NALF1: variants seen among roughly 807,000 people sequenced by gnomAD.
The protein encoded by NALF1 is NALCN channel auxiliary factor 1, also known as family with sequence similarity 155 member A.
NALF1 carries 3 observed loss-of-function variants against 48.4 expected under a neutral mutation model. The observed-to-expected ratio is 0.06, with a 90% CI of 0.03 to 0.16. NALF1 has a LOEUF of 0.16. NALF1 is among the 10% of genes least tolerant of loss of function. NALF1 has a pLI of 1.00. For synonymous variants in NALF1, 262 were observed against 245.7 expected, an observed-to-expected ratio of 1.07 and a Z score of -0.62; for missense variants, 526 against 571.5, an observed-to-expected ratio of 0.92 and a Z score of 0.81.
chr13:107,414,130 A>T (rs1224642887), intron 1 of NALF1, among the ~76,000 whole-genome samples: 1 of 152,190 alleles, frequency 6.6e-6, no homozygotes, highest in Non-Finnish European at 1.5e-5. Context: ...AGTCAAAACG[A>T]TCTATTAAAA....
At chr13:107,510,257 C>G (rs1389022568) in intron 1 of NALF1, among the ~76,000 whole-genome samples, 1 of 152,114 alleles carries the variant, frequency 6.6e-6, no homozygotes, top group Non-Finnish European at 1.5e-5. Context: ...CCTCCTCTTC[C>G]CCTCCATAAC....
intron 1 of NALF1, among the ~76,000 whole-genome samples, chr13:107,487,574 C>T (rs1489798507): frequency 6.6e-6 from 1 of 152,080 alleles, no homozygotes; most frequent in African/African-American, 2.4e-5. Context: ...CTACAAGAAA[C>T]AAATTTTAAA....
In NALF1 at chr13:107,509,733, G is replaced by A. The variant is rs79847998; in HGVS notation, c.916-298978C>T. Among the ~76,000 whole-genome samples, 1,071 of 152,164 alleles carry A rather than the reference G, an allele frequency of 7.0e-3. 40 individuals are homozygous for A. In the East Asian group the frequency reaches 0.1, roughly 15 times the overall value. On this transcript the variant is annotated intron_variant, in intron 1 of 2. Coordinates refer to ENST00000375915, the MANE Select transcript of NALF1 (RefSeq NM_001080396.3). ...CTGCCTTATAACTGTCAGATTATAA[G>A]GCTTTCAAATAGACTCTCCTTTGAA...
intron 1 of NALF1, among the ~76,000 whole-genome samples, chr13:107,469,892 T>C (rs1048186097): frequency 1.3e-5 from 2 of 151,750 alleles, no homozygotes; most frequent in Non-Finnish European, 2.9e-5. Context: ...TACAGGTGCC[T>C]GCCACCACGC....
chr13:107,859,961 T>A (rs906374250), intron 1 of NALF1, among the ~76,000 whole-genome samples: 3 of 150,332 alleles, frequency 2.0e-5, no homozygotes, highest in African/African-American at 7.3e-5. Context: ...GAGCATTACA[T>A]TGAAGAAATT....
At chr13:107,214,819 T>C (rs950379516) in intron 1 of NALF1, among the ~76,000 whole-genome samples, 1 of 152,222 alleles carries the variant, frequency 6.6e-6, no homozygotes, top group African/African-American at 2.4e-5. Flanking sequence ...TCGATTTTTC[T>C]CTTTTTCCCC....
chr13:107,813,529 C>T (rs184436963), intron 1 of NALF1, among the ~76,000 whole-genome samples: 8 of 152,176 alleles, frequency 5.3e-5, no homozygotes, highest in East Asian at 1.9e-4. Context: ...ATAACAGGTA[C>T]TATTTATTAC....
chr13:107,289,384 G>A (rs907914997), intron 1 of NALF1, among the ~76,000 whole-genome samples: 1 of 152,142 alleles, frequency 6.6e-6, no homozygotes, highest in African/African-American at 2.4e-5. Flanking sequence ...ACAGTACCTG[G>A]CACAAAATAG....
intron 1 of NALF1, among the ~76,000 whole-genome samples, chr13:107,743,237 C>T (rs1355695967): frequency 6.6e-6 from 1 of 152,220 alleles, no homozygotes; most frequent in African/African-American, 2.4e-5. Context: ...TAACACACAT[C>T]CTTTCCTTCC....
At chr13:107,354,396 G>A (rs1007004427) in intron 1 of NALF1, among the ~76,000 whole-genome samples, 25 of 152,054 alleles carry the variant, frequency 1.6e-4, no homozygotes, top group Admixed American at 1.3e-4. Context: ...GAAACCTGGG[G>A]AACTGTGTGA....
At chr13:107,740,917 T>C (rs2138544106) in intron 1 of NALF1, among the ~76,000 whole-genome samples, 1 of 152,224 alleles carries the variant, frequency 6.6e-6, no homozygotes, top group Non-Finnish European at 1.5e-5. Flanking sequence ...AGGAGAGAAA[T>C]GAAGGCAGTA....
intron 1 of NALF1, among the ~76,000 whole-genome samples, chr13:107,705,355 G>T (rs542697881): frequency 2.6e-5 from 4 of 152,318 alleles, no homozygotes; most frequent in African/African-American, 9.6e-5. Flanking sequence ...TGAATTGAAA[G>T]AAATGAAAAT....
At chr13:107,652,702 T>C (rs1229442645) in intron 1 of NALF1, among the ~76,000 whole-genome samples, 2 of 152,140 alleles carry the variant, frequency 1.3e-5, no homozygotes, top group Non-Finnish European at 2.9e-5. Context: ...ATCTAACTCA[T>C]TAGGCATTGT....
chr13:107,378,133 G>A (rs533638373), intron 1 of NALF1, among the ~76,000 whole-genome samples: 101 of 152,224 alleles, frequency 6.6e-4, no homozygotes, highest in African/African-American at 2.0e-3. Flanking sequence ...CTGTGAGCCC[G>A]AGTTGCCTGA....
intron 1 of NALF1, among the ~76,000 whole-genome samples, chr13:107,405,969 C>T (rs550434430): frequency 7.6e-4 from 115 of 152,170 alleles, no homozygotes; most frequent in African/African-American, 2.7e-3. Context: ...AATGTGTACA[C>T]CTCTCTGGAG....
At chr13:107,490,489 C>A (rs913004023) in intron 1 of NALF1, among the ~76,000 whole-genome samples, 1 of 152,136 alleles carries the variant, frequency 6.6e-6, no homozygotes, top group African/African-American at 2.4e-5. Context: ...CATGTACTCA[C>A]TTATAAATGG....
chr13:107,520,533 A>G (rs1018678900), intron 1 of NALF1, among the ~76,000 whole-genome samples: 1 of 152,262 alleles, frequency 6.6e-6, no homozygotes, highest in African/African-American at 2.4e-5. Flanking sequence ...GGTAGGATTA[A>G]TTGTGACCAC....
intron 1 of NALF1, among the ~76,000 whole-genome samples, chr13:107,394,525 T>G (rs556726000): frequency 4.7e-4 from 72 of 152,294 alleles, no homozygotes; most frequent in East Asian, 9.7e-4. Flanking sequence ...GGCCTGTGTA[T>G]AGACATATCT....
chr13:107,357,115 C>A (rs1360088891), intron 1 of NALF1, among the ~76,000 whole-genome samples: 1 of 152,118 alleles, frequency 6.6e-6, no homozygotes, highest in Non-Finnish European at 1.5e-5. Context: ...CATTTTTACA[C>A]TGCTATAAAC....
Sources: allele counts gnomAD v4.1 joint callset (sites outside exome capture counted in the v4.1 genomes callset), GRCh38; gene constraint gnomAD v4.1.1; transcripts MANE v1.5; gene names NCBI Gene and HGNC (gene_info 2026-07-23, HGNC 2026-07-21).